Variants in PTBP2 observed in about 807,000 individuals in gnomAD.
PTBP2 encodes the protein polypyrimidine tract binding protein 2.
A neutral mutation model predicts 61.4 loss-of-function variants in PTBP2; 13 were observed. The ratio of observed to expected loss-of-function variants is 0.21; its 90% CI spans 0.14 to 0.34. The LOEUF (loss-of-function observed/expected upper bound fraction) is 0.34, where lower values mean the gene tolerates loss of function less well. PTBP2 is among the 10% of genes least tolerant of loss of function. The probability of loss-of-function intolerance (pLI) is 1.00; values close to 1 mark genes in which losing one functional copy is unlikely to be tolerated. For synonymous variants in PTBP2, 215 were observed against 218.5 expected (o/e 0.98, Z 0.14); for missense variants, 405 against 642.6 (o/e 0.63, Z 4.00).
chr1:96,817,242 A>C (rs1305073125), downstream of PTBP2: 1 of 152,144 alleles, frequency 6.6e-6, no homozygotes, highest in Non-Finnish European at 1.5e-5. Context: ...TCTGAACTTC[A>C]AACAGGATTT....
At chr1:96,806,777 T>A in intron 10 of PTBP2, 89 bp from the exon 11 acceptor site, 1 of 918,766 alleles carries the variant, frequency 1.1e-6, no homozygotes, top group Non-Finnish European at 1.7e-6. Context: ...TCTGAATGTT[T>A]CATTGATATG....
At chr1:96,746,933 T>C (rs111474326) in intron 2 of PTBP2, among the ~76,000 whole-genome samples, 15 of 76,406 alleles carry the variant, frequency 2.0e-4, no homozygotes, top group Non-Finnish European at 2.7e-4. Context: ...CTTCCTTCCT[T>C]CCTTCCTTCC....
chr1:96,811,042 A>G (rs1662032046), intron 11 of PTBP2, among the ~76,000 whole-genome samples: 1 of 152,026 alleles, frequency 6.6e-6, no homozygotes, highest in African/African-American at 2.4e-5. Flanking sequence ...AGTGACAATC[A>G]GGAAGAGTGG....
chr1:96,736,928 C>T (rs1421503817), intron 2 of PTBP2, among the ~76,000 whole-genome samples: 1 of 152,082 alleles, frequency 6.6e-6, no homozygotes, highest in African/African-American at 2.4e-5. Flanking sequence ...GATCCTCCTG[C>T]TTTAGCCTTG....
chr1:96,759,834 G>A (rs532557567), intron 3 of PTBP2, among the ~76,000 whole-genome samples: 1 of 152,262 alleles, frequency 6.6e-6, no homozygotes, highest in South Asian at 2.1e-4. Flanking sequence ...ACCCGAGACT[G>A]GGCGGGCAAT....
chr1:96,805,280 A>G (rs1571016917), intron 9 of PTBP2, among the ~76,000 whole-genome samples: 1 of 152,098 alleles, frequency 6.6e-6, no homozygotes. Flanking sequence ...CTGTAAAACA[A>G]TTTTGCTCTT....
chr1:96,758,611 T>C (rs1301186280), intron 3 of PTBP2, among the ~76,000 whole-genome samples: 1 of 152,048 alleles, frequency 6.6e-6, no homozygotes, highest in African/African-American at 2.4e-5. Context: ...TTTGTCACAA[T>C]GATAGAATGA....
downstream of PTBP2, chr1:96,815,837 T>C (rs1158125803): frequency 6.6e-6 from 1 of 152,184 alleles, no homozygotes; most frequent in Non-Finnish European, 1.5e-5. Context: ...TCTGTGTTTT[T>C]TTCTTAAAAT....
At chr1:96,742,966 G>A (rs552492137) in intron 2 of PTBP2, among the ~76,000 whole-genome samples, 57 of 151,808 alleles carry the variant, frequency 3.8e-4, no homozygotes, top group Non-Finnish European at 7.4e-4. Context: ...TTTTGTTGTT[G>A]TTAGATAAAG....
chr1:96,791,608 T>C (rs1248183345), intron 8 of PTBP2, among the ~76,000 whole-genome samples: 5 of 152,086 alleles, frequency 3.3e-5, no homozygotes, highest in Admixed American at 2.6e-4. Flanking sequence ...AAGATACATA[T>C]ATACTGGTTT....
intron 3 of PTBP2, among the ~76,000 whole-genome samples, chr1:96,763,582 G>T (rs1656289627): frequency 7.1e-6 from 1 of 140,098 alleles, no homozygotes; most frequent in Non-Finnish European, 1.5e-5. Flanking sequence ...GAGAGGGAGA[G>T]GGAGACCGTG....
chr1:96,770,293 A>G (rs1216407041), intron 4 of PTBP2, among the ~76,000 whole-genome samples: 1 of 152,026 alleles, frequency 6.6e-6, no homozygotes, highest in African/African-American at 2.4e-5. Flanking sequence ...ACTCCCTTTT[A>G]TATACTTGAG....
At chr1:96,811,804 T>G (rs1343766806) in intron 11 of PTBP2, among the ~76,000 whole-genome samples, 1 of 152,226 alleles carries the variant, frequency 6.6e-6, no homozygotes, top group Non-Finnish European at 1.5e-5. Flanking sequence ...AAATGGTCTT[T>G]TTTAGTTATT....
chr1:96,752,009 A>G (rs961179633), intron 3 of PTBP2, among the ~76,000 whole-genome samples: 9 of 152,062 alleles, frequency 5.9e-5, no homozygotes, highest in African/African-American at 1.9e-4. Context: ...GTCTACCTGC[A>G]TATTTAAGAT....
chr1:96,805,019 C>G, intron 9 of PTBP2, 80 bp downstream of exon 9: 1 of 1,219,726 alleles, frequency 8.2e-7, no homozygotes, highest in Middle Eastern at 3.0e-4. Context: ...TCATTTTGCA[C>G]TTGCCTTTCT....
Position 96,777,624 on chromosome 1 carries a change from A to G in PTBP2, c.472A>G (p.Thr158Ala), listed in dbSNP as rs746555705. 1.2e-6 allele frequency: 2 copies of G among 1,613,154 alleles called. No individual in the cohort carries two copies. Among genetic ancestry groups the G allele is most frequent in the African/African-American group, 2.7e-5 (2 of 75,010 alleles). ...AVLQAVTAVQ[T>A]ANTPLSGTTV... is the part of the protein sequence containing the mutation. Reference sequence around the variant, plus strand: ...TCTTCAAGCTGTGACAGCTGTCCAGACAGCAAATACTCCTCTTAGTGGCAC... The same window carrying G: ...TCTTCAAGCTGTGACAGCTGTCCAGGCAGCAAATACTCCTCTTAGTGGCAC... Residue 158 changes from threonine (T) to alanine (A), a missense_variant, in exon 6 of 14, where the codon ACA (threonine) becomes GCA (alanine). Around this residue, in one of 4 missense-constraint regions of PTBP2, gnomAD observed 342 missense variants for 491.2 expected, o/e 0.70. Coordinates refer to ENST00000674951, the MANE Select transcript of PTBP2 (RefSeq NM_021190.4).
chr1:96,731,229 A>G (rs1377775346), intron 2 of PTBP2, among the ~76,000 whole-genome samples: 1 of 152,160 alleles, frequency 6.6e-6, no homozygotes, highest in African/African-American at 2.4e-5. Context: ...GTCAAATGAA[A>G]TTTATACTTA....
At chr1:96,746,537 T>C (rs1370116216) in intron 2 of PTBP2, among the ~76,000 whole-genome samples, 3 of 151,990 alleles carry the variant, frequency 2.0e-5, no homozygotes, top group African/African-American at 7.3e-5. Context: ...TTAACTGATT[T>C]TGTAGTTTTA....
At chr1:96,817,210 A>C (rs529620250), downstream of PTBP2, 1 of 152,270 alleles carries the variant, frequency 6.6e-6, no homozygotes, top group East Asian at 1.9e-4. Context: ...CTAAGGAAGA[A>C]AGACATACTC....
Sources: allele counts gnomAD v4.1 joint callset (sites outside exome capture counted in the v4.1 genomes callset), GRCh38; gene constraint gnomAD v4.1.1; regional missense constraint gnomAD v4.1.1; transcripts MANE v1.5; gene names NCBI Gene and HGNC (gene_info 2026-07-23, HGNC 2026-07-21).